Variants in MME observed in about 807,000 individuals in gnomAD.
The protein encoded by MME is neprilysin.
Under a neutral mutation model 113.2 loss-of-function variants are expected in MME, and 98 were observed. The observed-to-expected ratio is 0.87, with a 90% CI of 0.74 to 1.02. The LOEUF is 1.02. MME is among the 50% of genes least tolerant of loss of function. The pLI, the probability that MME is intolerant of heterozygous loss-of-function variation, is 0.00. For missense variants in MME, 836 were observed against 896.0 expected, an observed-to-expected ratio of 0.93 and a Z score of 0.86; for synonymous variants, 292 against 300.6, an observed-to-expected ratio of 0.97 and a Z score of 0.30.
chr3:155,054,739 C>T (rs943177879), intron 1 of MME, among the ~76,000 whole-genome samples: 1 of 152,170 alleles, frequency 6.6e-6, no homozygotes, highest in African/African-American at 2.4e-5. Context: ...ATTGCTTGAA[C>T]CCAGGAGGCG....
intron 3 of MME, chr3:155,085,413 T>C (rs531898515): frequency 5.2e-6 from 1 of 194,160 alleles, no homozygotes; most frequent in Admixed American, 5.9e-5. Flanking sequence ...TTTCGTATCA[T>C]TGTGTTAAAT....
chr3:155,059,798 C>T, intron 1 of MME, among the ~76,000 whole-genome samples: 1 of 151,924 alleles, frequency 6.6e-6, no homozygotes, highest in East Asian at 1.9e-4. Flanking sequence ...CTTAAATTGC[C>T]ATCTGAATTT....
chr3:155,098,241 T>TAAAAG (rs1443233081), intron 3 of MME, among the ~76,000 whole-genome samples: 3 of 151,748 alleles, frequency 2.0e-5, no homozygotes, highest in Non-Finnish European at 4.4e-5. Context: ...ACAGAAGATA[T>TAAAAG]AAAAGAAAAG....
At chr3:155,055,695 C>T (rs2108131069) in intron 1 of MME, among the ~76,000 whole-genome samples, 1 of 152,136 alleles carries the variant, frequency 6.6e-6, no homozygotes, top group South Asian at 2.1e-4. Flanking sequence ...AATGTTTATT[C>T]TCGGGAGAGA....
intron 14 of MME, 88 bp downstream of exon 14, chr3:155,144,545 C>A: frequency 2.4e-6 from 2 of 823,022 alleles, no homozygotes; most frequent in South Asian, 1.5e-5. Flanking sequence ...AAAATATAAT[C>A]AAAGATTGCA....
chr3:155,041,214 T>C (rs958195168), intron 1 of MME, among the ~76,000 whole-genome samples: 1 of 152,162 alleles, frequency 6.6e-6, no homozygotes, highest in African/African-American at 2.4e-5. Context: ...CATGTCACCA[T>C]GTCACTCCCC....
In MME at chr3:155,134,855, C is replaced by T. The variant is rs918518464; in HGVS notation, c.721-3247C>T. 7.9e-5 allele frequency among the ~76,000 whole-genome samples: 12 copies of T among 152,080 alleles called. No homozygotes were observed. In the South Asian group the frequency reaches 1.2e-3, roughly 16 times the overall value. On this transcript the variant is annotated intron_variant, in intron 8 of 22. Coordinates refer to ENST00000360490, the MANE Select transcript of MME (RefSeq NM_007289.4). ...CAACTGGTGTGAGATGGTATTTCAT[C>T]GTGGTTTAGATTTATATATCTCTGA...
intron 3 of MME, among the ~76,000 whole-genome samples, chr3:155,088,403 G>T (rs143717728): frequency 3.1e-4 from 47 of 152,290 alleles, no homozygotes; most frequent in African/African-American, 1.1e-3. Flanking sequence ...AAAAGAGAAG[G>T]CTGGGCACGG....
intron 16 of MME, among the ~76,000 whole-genome samples, chr3:155,151,841 A>G (rs1440870179): frequency 1.3e-5 from 2 of 152,074 alleles, no homozygotes; most frequent in Non-Finnish European, 2.9e-5. Flanking sequence ...TCTCTAGCTC[A>G]CCATTCCCAT....
intron 17 of MME, among the ~76,000 whole-genome samples, chr3:155,166,483 A>G (rs896722723): frequency 1.2e-4 from 19 of 152,180 alleles, no homozygotes; most frequent in African/African-American, 3.4e-4. Context: ...GGTGTTACTG[A>G]GTAACTATTT....
In MME at chr3:155,160,397, A is replaced by G; in HGVS notation, c.1609A>G (p.Ser537Gly). Residue 537 changes from serine (S) to glycine (G), a missense_variant, in exon 17 of 23, where the codon AGT becomes GGT. Physicochemically the swap from Ser to Gly is moderately conservative, Grantham distance 56. Coordinates refer to ENST00000360490, the MANE Select transcript of MME (RefSeq NM_007289.4). ...TTCTTATGTTTTCTACAGGTGGATA[A>G]GTGGAGCAGCTGTAGTCAATGCATT... The part of the protein sequence containing the change: ...REKVDKDEWI[S>G]GAAVVNAFYS... The G allele has an allele frequency of 6.2e-7, 1 of 1,606,828 alleles. No homozygotes were observed. Among genetic ancestry groups the G allele is most frequent in the Non-Finnish European group, 8.5e-7 (1 of 1,173,712 alleles).
At chr3:155,127,890 C>A (rs528247595) in intron 8 of MME, among the ~76,000 whole-genome samples, 2 of 152,240 alleles carry the variant, frequency 1.3e-5, no homozygotes, top group Admixed American at 6.5e-5. Flanking sequence ...TTTGAATGAG[C>A]AAATGATAGA....
chr3:155,128,830 G>A (rs1261053703), intron 8 of MME, among the ~76,000 whole-genome samples: 1 of 152,134 alleles, frequency 6.6e-6, no homozygotes, highest in Non-Finnish European at 1.5e-5. Flanking sequence ...GCAGGGAAGA[G>A]AGGAAACAAA....
rs186322029 is a variant in MME, at chr3:155,173,569, G to A, written c.2153+957G>A. ...ATTTATTCAGCTTGCTAGTATCATC[G>A]TTGTCATCATCATCATCATCATCAT... On this transcript the variant is annotated intron_variant, in intron 22 of 22. Coordinates refer to ENST00000360490, the MANE Select transcript of MME (RefSeq NM_007289.4). Among the ~76,000 whole-genome samples the A allele has an allele frequency of 4.7e-3, 690 of 147,146 alleles. 5 individuals are homozygous for A. The highest frequency in any genetic ancestry group is 0.017 in the African/African-American group (635 of 38,262).
At chr3:155,172,405 T>C (rs1712072466) in intron 21 of MME, 131 bp from the exon 22 acceptor site, 1 of 849,686 alleles carries the variant, frequency 1.2e-6, no homozygotes, top group Non-Finnish European at 2.0e-6. Flanking sequence ...CATTGAACAT[T>C]ATTTGAAGAG....
chr3:155,050,817 A>AG (rs1357343467), intron 1 of MME, among the ~76,000 whole-genome samples: 5 of 150,920 alleles, frequency 3.3e-5, no homozygotes, highest in Non-Finnish European at 7.4e-5. Flanking sequence ...TTTGCTGTGC[A>AG]GAAGCTCTTT....
chr3:155,107,838 G>A (rs890615635), intron 3 of MME, among the ~76,000 whole-genome samples: 10 of 151,950 alleles, frequency 6.6e-5, no homozygotes, highest in Non-Finnish European at 2.9e-5. Context: ...AACGTTTTTT[G>A]CATTTTTGTG....
intron 22 of MME, among the ~76,000 whole-genome samples, chr3:155,178,721 AT>A (rs1712799385): frequency 6.6e-6 from 1 of 152,146 alleles, no homozygotes; most frequent in Admixed American, 6.5e-5. Flanking sequence ...CATATAACCT[AT>A]ACACCTTCTC....
Position 155,169,274 on chromosome 3 carries a change from T to C in MME, c.1980+477T>C, listed in dbSNP as rs1328852003. ...AAACCATAGTTCATATATGATACAGTAAGGGACTGACGTGATATGGTTCCA... is the reference window on the plus strand; with the variant it reads ...AAACCATAGTTCATATATGATACAGCAAGGGACTGACGTGATATGGTTCCA... On this transcript the variant is annotated intron_variant, in intron 20 of 22. Coordinates refer to ENST00000360490, the MANE Select transcript of MME (RefSeq NM_007289.4). Among the ~76,000 whole-genome samples the C allele has an allele frequency of 5.3e-5, 8 of 152,130 alleles. No individual in the cohort carries two copies. In the East Asian group the frequency reaches 1.5e-3, roughly 29 times the overall value.
Sources: gnomAD v4.1 joint callset for allele counts (sites outside exome capture counted in the v4.1 genomes callset) on GRCh38, gnomAD v4.1.1 for gene constraint, MANE v1.5 for transcripts, NCBI Gene and HGNC (gene_info 2026-07-23, HGNC 2026-07-21) for gene names.